Variants in LIN9 observed in about 807,000 individuals in gnomAD.
LIN9 encodes lin-9 DREAM MuvB core complex component.
In LIN9, 18 loss-of-function variants were observed where a neutral mutation model predicts 78.0. That is an observed-to-expected ratio of 0.23 (90% CI 0.16 to 0.34). LIN9 has a LOEUF of 0.34. Ranked by LOEUF, LIN9 falls within the 10% of genes least tolerant of loss-of-function variation. The pLI, the probability that LIN9 is intolerant of heterozygous loss-of-function variation, is 1.00. For missense variants in LIN9, 451 were observed against 644.1 expected, an observed-to-expected ratio of 0.70 and a Z score of 3.25; for synonymous variants, 192 against 215.2, an observed-to-expected ratio of 0.89 and a Z score of 0.94.
rs1237483268 is a variant in LIN9, at chr1:226,265,283, T to C, written c.1038+250A>G. Among the ~76,000 whole-genome samples, 1 of 152,212 alleles carries C rather than the reference T, an allele frequency of 6.6e-6. No homozygotes were observed. Among genetic ancestry groups the C allele is most frequent in the African/African-American group, 2.4e-5 (1 of 41,458 alleles). The stretch of plus-strand genomic sequence containing the variant: ...AACATTCAGAATTTCACAGAACATA[T>C]GCAAGAATGTTTGAGCCCTTAAAAT... On this transcript the variant is annotated intron_variant, in intron 10 of 14. Coordinates refer to ENST00000681046, the MANE Select transcript of LIN9 (RefSeq NM_001366245.2). This position sits in a 1 kb window ranked among gnomAD's most constrained non-coding sequence, Gnocchi z 4.1.
chr1:226,253,265 C>CA (rs60102894), intron 10 of LIN9, among the ~76,000 whole-genome samples: 78,453 of 118,232 alleles, frequency 0.66, 24,352 homozygotes, highest in East Asian at 0.75. Flanking sequence ...AACCCTGTCT[C>CA]AAAAAAAAAA....
intron 10 of LIN9, among the ~76,000 whole-genome samples, chr1:226,255,895 T>C (rs1424670885): frequency 6.6e-6 from 1 of 151,838 alleles, no homozygotes; most frequent in African/African-American, 2.4e-5. Flanking sequence ...TATGCATTAA[T>C]GGAAATACAA....
Position 226,295,894 on chromosome 1 carries a change from T to C in LIN9, c.212A>G (p.Gln71Arg), listed in dbSNP as rs748418567. The change falls in exon 4 of 15, where the codon CAA becomes CGA. Residue 71 changes from glutamine to arginine, a missense_variant. Transcript: ENST00000681046. ...SRLFSDEDDR[Q>R]INTRSPKRNQ... ...TCTTTTAGGTGACCTTGTATTTATT[T>C]GCCTATCATCTTCATCAGAAAAAAG... 2.5e-6 allele frequency: 4 copies of C among 1,613,740 alleles called. No homozygotes were observed. In the South Asian group the frequency reaches 3.3e-5, roughly 13 times the overall value.
At chr1:226,242,067 T>C (rs1658149686) in intron 11 of LIN9, among the ~76,000 whole-genome samples, 1 of 152,210 alleles carries the variant, frequency 6.6e-6, no homozygotes, top group Non-Finnish European at 1.5e-5. Context: ...CCTTATCTTC[T>C]TAAACATCTA....
rs768656861 is a variant in LIN9 at position 226,266,280 on chromosome 1, C to T, written c.869G>A (p.Arg290Gln). Reference protein sequence around the residue: ...MPIAAFGQKQRPSRFFMTPPR... With the variant: ...MPIAAFGQKQQPSRFFMTPPR... ...TGGGGTCATAAAAAATCGAGAAGGCCGCTGTTTTTGTCCAAAGGCAGCAAT... is the reference window on the plus strand; with the variant it reads ...TGGGGTCATAAAAAATCGAGAAGGCTGCTGTTTTTGTCCAAAGGCAGCAAT... Residue 290 changes from arginine to glutamine, a missense_variant, in exon 9 of 15, where the codon CGG (arginine) becomes CAG (glutamine). Physicochemically the swap from Arg to Gln is conservative, Grantham distance 43. Transcript: ENST00000681046. The T allele has an allele frequency of 1.0e-5, 16 of 1,600,790 alleles. No individual in the cohort carries two copies. Among genetic ancestry groups the T allele is most frequent in the South Asian group, 4.5e-5 (4 of 89,580 alleles).
At chr1:226,258,687 G>A (rs1435574981) in intron 10 of LIN9, among the ~76,000 whole-genome samples, 3 of 151,088 alleles carry the variant, frequency 2.0e-5, no homozygotes, top group Non-Finnish European at 2.9e-5. Flanking sequence ...TCAGGAGATC[G>A]AGACTGTCCT....
At position 226,236,819 on chromosome 1, in the gene LIN9, C is replaced by T. The variant is rs571296535; in HGVS notation, c.1245+2152G>A. 4.6e-5 allele frequency among the ~76,000 whole-genome samples: 7 copies of T among 152,212 alleles called. No individual in the cohort carries two copies. In the East Asian group the frequency reaches 5.8e-4, roughly 13 times the overall value. On this transcript the variant is annotated intron_variant, in intron 12 of 14. Transcript: ENST00000681046. ...TCCATCTATGGCACTGAGTTGTAGT[C>T]GAGTTCATTCATTCTCATTGCTGGG... is the stretch of plus-strand genomic sequence containing the variant.
intron 11 of LIN9, among the ~76,000 whole-genome samples, chr1:226,247,663 T>G (rs189158969): frequency 1.4e-4 from 21 of 146,178 alleles, no homozygotes; most frequent in African/African-American, 5.3e-4. Context: ...GCCTTGTTGT[T>G]TGTTTTCTTT....
chr1:226,304,891 C>G (rs1382387259), intron 1 of LIN9, among the ~76,000 whole-genome samples: 1 of 152,038 alleles, frequency 6.6e-6, no homozygotes, highest in Admixed American at 6.6e-5. Context: ...CATAGTAATA[C>G]AAAAAGATTT....
Position 226,275,691 on chromosome 1 carries a change from C to CAAAA in LIN9, c.682+2083_682+2084insTTTT, listed in dbSNP as rs1315376373. 1.2e-3 allele frequency among the ~76,000 whole-genome samples: 53 copies of CAAAA among 43,414 alleles called. 4 individuals are homozygous for CAAAA. Among genetic ancestry groups the CAAAA allele is most frequent in the African/African-American group, 4.8e-3 (50 of 10,322 alleles). 28.5% of individuals were successfully genotyped at this position (43,414 alleles called of 152,430 possible). ...CTGGCAACAGAGCAAGACTCCGTCT[C>CAAAA]AGAAAAAAAAAAAAAAAAAAAGAAA... On this transcript the variant is annotated intron_variant, in intron 7 of 14. Coordinates refer to ENST00000681046, the MANE Select transcript of LIN9 (RefSeq NM_001366245.2).
chr1:226,283,336 G>A (rs1470462509), intron 6 of LIN9, among the ~76,000 whole-genome samples: 4 of 127,768 alleles, frequency 3.1e-5, no homozygotes, highest in Admixed American at 2.9e-4. Context: ...ATGGTGCCCA[G>A]GCTGGTCTTG....
At chr1:226,291,966 TGA>T (rs966439421) in intron 4 of LIN9, among the ~76,000 whole-genome samples, 5 of 151,856 alleles carry the variant, frequency 3.3e-5, no homozygotes, top group African/African-American at 4.8e-5. Flanking sequence ...AATTTATAAG[TGA>T]GGAGATGTTT....
At chr1:226,232,923 A>G (rs1269469497) in intron 14 of LIN9, 173 bp downstream of exon 14, 2 of 509,940 alleles carry the variant, frequency 3.9e-6, no homozygotes, top group African/African-American at 4.0e-5. Flanking sequence ...TACAAAATCC[A>G]TGTGAAATTT....
chr1:226,294,050 G>C (rs892169775), intron 4 of LIN9, among the ~76,000 whole-genome samples: 1 of 151,932 alleles, frequency 6.6e-6, no homozygotes, highest in African/African-American at 2.4e-5. Context: ...GCTCACACCT[G>C]TAATCCCAGC....
In LIN9 at chr1:226,232,480, T is replaced by G; in HGVS notation, c.*21A>C. ...TTCTCAAAAACAATGTCCCGTGCAGTTGGAATAATGAAATCTTTACTCAGT... is the reference window on the plus strand; with the variant it reads ...TTCTCAAAAACAATGTCCCGTGCAGGTGGAATAATGAAATCTTTACTCAGT... On this transcript the variant is annotated 3_prime_UTR_variant, in exon 15 of 15. Transcript: ENST00000681046. 1 of 1,505,038 alleles carries G rather than the reference T, an allele frequency of 6.6e-7. No individual in the cohort carries two copies. The highest frequency in any genetic ancestry group is 1.1e-5 in the South Asian group (1 of 87,020). The allele number at this position is 1,505,038 out of a possible 1,614,324, so 93.2% of individuals were successfully genotyped here.
chr1:226,287,599 A>G (rs1470867062), intron 5 of LIN9, 65 bp downstream of exon 5: 31 of 1,162,712 alleles, frequency 2.7e-5, no homozygotes, highest in Non-Finnish European at 3.6e-5. Flanking sequence ...GTTGTAGCTT[A>G]AAACACTTGA....
chr1:226,238,403 G>A (rs1657878236), intron 12 of LIN9, among the ~76,000 whole-genome samples: 1 of 152,178 alleles, frequency 6.6e-6, no homozygotes, highest in Non-Finnish European at 1.5e-5. Context: ...GGCCAAGGTA[G>A]GAGGATCGCT....
chr1:226,277,660 T>C (rs1660753219), intron 7 of LIN9, 115 bp downstream of exon 7: 1 of 913,184 alleles, frequency 1.1e-6, no homozygotes, highest in Non-Finnish European at 1.6e-6. Flanking sequence ...ACGATGTCTA[T>C]TGTAAATATT....
intron 3 of LIN9, 52 bp downstream of exon 3, chr1:226,297,667 C>A: frequency 7.8e-7 from 1 of 1,274,692 alleles, no homozygotes; most frequent in South Asian, 1.5e-5. Context: ...GACAATAATA[C>A]AGACAACTTA....
Sources: allele counts gnomAD v4.1 joint callset (sites outside exome capture counted in the v4.1 genomes callset), GRCh38; gene constraint gnomAD v4.1.1; non-coding constraint Gnocchi (gnomAD v3.1); transcripts MANE v1.5; gene names NCBI Gene and HGNC (gene_info 2026-07-23, HGNC 2026-07-21).